The following GABRA4 variants were observed in gnomAD, a reference collection of about 807,000 sequenced individuals.
GABRA4 encodes gamma-aminobutyric acid receptor subunit alpha-4.
GABRA4 carries 12 observed loss-of-function variants against 49.7 expected under a neutral mutation model. The observed-to-expected ratio is 0.24, with a 90% confidence interval of 0.15 to 0.39. The LOEUF is 0.39. GABRA4 is among the 10% of genes least tolerant of loss of function. The pLI, the probability that GABRA4 is intolerant of heterozygous loss-of-function variation, is 1.00. For missense variants in GABRA4, 506 were observed against 686.0 expected, an observed-to-expected ratio of 0.74 and a Z score of 2.93; for synonymous variants, 288 against 240.2, an observed-to-expected ratio of 1.20 and a Z score of -1.84.
Position 46,930,524 on chromosome 4 carries a change from T to C in GABRA4, c.1135-1769A>G, listed in dbSNP as rs1406910955. Among the ~76,000 whole-genome samples, 79 of 151,748 alleles carry C rather than the reference T, an allele frequency of 5.2e-4. 2 individuals carry two copies. Among genetic ancestry groups the C allele is most frequent in the Admixed American group, 5.2e-3 (79 of 15,198 alleles). ...TACACACATGATACAATAAAAAATA[T>C]AATGAAAGGTAAAATATATTCAAGA... is the stretch of plus-strand genomic sequence containing the variant. On this transcript the variant is annotated intron_variant, in intron 8 of 8. Transcript: ENST00000264318.
chr4:46,934,138 G>A (rs1721530774), intron 8 of GABRA4, among the ~76,000 whole-genome samples: 1 of 152,058 alleles, frequency 6.6e-6, no homozygotes, highest in African/African-American at 2.4e-5. Flanking sequence ...TTAATAAAAT[G>A]TAACTTAATC....
At position 46,977,448 on chromosome 4, in the gene GABRA4, A is replaced by G; in HGVS notation, c.456T>C (p.Phe152=). 1.2e-6 allele frequency: 2 copies of G among 1,605,898 alleles called. No individual in the cohort carries two copies. Among genetic ancestry groups the G allele is most frequent in the Non-Finnish European group, 1.7e-6 (2 of 1,173,972 alleles). The change falls in exon 4 of 9, where the codon TTT becomes TTC. Residue 152 remains phenylalanine (F), a synonymous_variant. Transcript: ENST00000264318. ...SHNMTAPNKL[F]RIMRNGTILY... ...AAATAGTACCATTTCTCATAATTCT[A>G]AAAAGCTTATTTGGAGCTGTCATAT...
chr4:46,939,079 C>T (rs1721704926), intron 8 of GABRA4, among the ~76,000 whole-genome samples: 1 of 151,878 alleles, frequency 6.6e-6, no homozygotes, highest in Non-Finnish European at 1.5e-5. Flanking sequence ...CAAAAGAGCT[C>T]CTCATTCCCT....
rs985533591 is a variant in GABRA4 at position 46,922,767 on chromosome 4, C to G, written c.*5458G>C. Reference sequence around the variant, plus strand: ...AAAATAGAATAATCACAACTGAAAACTCACTAGGGTTATGGTTGACAAAAG... The same window carrying G: ...AAAATAGAATAATCACAACTGAAAAGTCACTAGGGTTATGGTTGACAAAAG... On this transcript the variant is annotated 3_prime_UTR_variant, in exon 9 of 9. Coordinates refer to ENST00000264318, the MANE Select transcript of GABRA4 (RefSeq NM_000809.4). 33 of 152,028 alleles carry G rather than the reference C, an allele frequency of 2.2e-4. No homozygotes were observed. The highest frequency in any genetic ancestry group is 8.0e-4 in the African/African-American group (33 of 41,388). 9.4% of individuals were successfully genotyped at this position (152,028 alleles called of 1,614,324 possible).
At chr4:46,991,137 G>A (rs1723729248) in intron 2 of GABRA4, among the ~76,000 whole-genome samples, 1 of 152,040 alleles carries the variant, frequency 6.6e-6, no homozygotes, top group South Asian at 2.1e-4. Flanking sequence ...AGTGAGCCGA[G>A]ATCACGCCAT....
chr4:46,965,016 G>A lies in GABRA4; in HGVS notation c.1088C>T (p.Pro363Leu). ...CTTCTCTCTCTGCACTGGAGCAGCG[G>A]GAACTTCCTGAGGGGGCTTTGATGT... is the stretch of plus-strand genomic sequence containing the variant. ...RKTSKPPQEV[P>L]AAPVQREKHP... The change falls in exon 8 of 9, where the codon CCC (proline) becomes CTC (leucine). Residue 363 changes from proline to leucine, a missense_variant. This residue lies in a region of GABRA4 where 243 missense variants were observed against 210.8 expected (regional missense o/e 1.15). Coordinates refer to ENST00000264318, the MANE Select transcript of GABRA4 (RefSeq NM_000809.4). The A allele has an allele frequency of 6.2e-7, 1 of 1,611,764 alleles. No individual in the cohort carries two copies. Among genetic ancestry groups the A allele is most frequent in the Non-Finnish European group, 8.5e-7 (1 of 1,178,670 alleles).
At chr4:46,963,092 G>A (rs966381627) in intron 8 of GABRA4, among the ~76,000 whole-genome samples, 2 of 151,758 alleles carry the variant, frequency 1.3e-5, no homozygotes, top group African/African-American at 4.8e-5. Flanking sequence ...ACAATGGACA[G>A]AAGGGATCAC....
At chr4:46,993,060 A>C in intron 1 of GABRA4, 114 bp from the exon 2 acceptor site, 1 of 834,966 alleles carries the variant, frequency 1.2e-6, no homozygotes, top group South Asian at 1.6e-5. Context: ...CCCAAGCTAA[A>C]GGAGAGGAGG....
intron 8 of GABRA4, among the ~76,000 whole-genome samples, chr4:46,939,201 G>C (rs1172562692): frequency 6.6e-6 from 1 of 151,990 alleles, no homozygotes; most frequent in Non-Finnish European, 1.5e-5. Flanking sequence ...ACAGAAATTT[G>C]AGGTTTCTTG....
At chr4:46,935,533 A>T (rs936810867) in intron 8 of GABRA4, among the ~76,000 whole-genome samples, 5 of 152,188 alleles carry the variant, frequency 3.3e-5, no homozygotes, top group Non-Finnish European at 7.3e-5. Context: ...TTATACGTCT[A>T]TGAAAATATG....
rs188377493 is a variant in GABRA4, at chr4:46,969,710, A to G, written c.874+1373T>C. ...AAATCCTCACTAGTCTATGAGGGTG[A>G]GATGTATTATCATAATTTTATGAAT... On this transcript the variant is annotated intron_variant, in intron 7 of 8. Coordinates refer to ENST00000264318, the MANE Select transcript of GABRA4 (RefSeq NM_000809.4). Among the ~76,000 whole-genome samples the G allele has an allele frequency of 2.0e-5, 3 of 151,652 alleles. No individual in the cohort carries two copies. The East Asian group carries it at 5.9e-4, about 30-fold the overall frequency.
rs1275058658 is a variant in GABRA4 at position 46,922,559 on chromosome 4, A to AG, written c.*5665dup. On this transcript the variant is annotated 3_prime_UTR_variant, in exon 9 of 9. Coordinates refer to ENST00000264318, the MANE Select transcript of GABRA4 (RefSeq NM_000809.4). ...AGAGTTTATATAAATAGGTCTCTGT[A>AG]GTCTCAAAAAATATTATAGACATGA... 2.6e-5 allele frequency: 4 copies of AG among 152,204 alleles called. No individual in the cohort carries two copies. The highest frequency in any genetic ancestry group is 5.9e-5 in the Non-Finnish European group (4 of 68,040). 9.4% of individuals were successfully genotyped at this position (152,204 alleles called of 1,614,324 possible).
chr4:46,944,921 A>G (rs879422003), intron 8 of GABRA4, among the ~76,000 whole-genome samples: 2 of 152,134 alleles, frequency 1.3e-5, no homozygotes, highest in African/African-American at 2.4e-5. Context: ...CAACTAGCAC[A>G]GTACCAAACA....
At position 46,926,288 on chromosome 4, in the gene GABRA4, G is replaced by A. The variant is rs1164035535; in HGVS notation, c.*1937C>T. On this transcript the variant is annotated 3_prime_UTR_variant, in exon 9 of 9. Transcript: ENST00000264318. ...ATTTATGATAAGCTTTTTTGTACAA[G>A]TACTCTTTATTAAATATATACATAT... 1 of 151,776 alleles carries A rather than the reference G, an allele frequency of 6.6e-6. No individual in the cohort carries two copies. The highest frequency in any genetic ancestry group is 1.9e-4 in the East Asian group (1 of 5,178). The allele number at this position is 151,776 out of a possible 1,614,324, so 9.4% of individuals were successfully genotyped here.
intron 2 of GABRA4, among the ~76,000 whole-genome samples, chr4:46,985,948 G>GAAAT (rs140354635): frequency 1.6e-3 from 239 of 151,600 alleles, no homozygotes; most frequent in African/African-American, 5.4e-3. Context: ...AAGAAAGAAA[G>GAAAT]AAAAACATGT....
At position 46,990,063 on chromosome 4, in the gene GABRA4, C is replaced by T. The variant is rs1364030007; in HGVS notation, c.205+2765G>A. On this transcript the variant is annotated intron_variant, in intron 2 of 8. Coordinates refer to ENST00000264318, the MANE Select transcript of GABRA4 (RefSeq NM_000809.4). ...AATACTACACATTTACAGAGAATGA[C>T]CCACTTCTAAAAAGTGAATCACATT... Among the ~76,000 whole-genome samples, 10 of 152,268 alleles carry T rather than the reference C, an allele frequency of 6.6e-5. No homozygotes were observed. In the South Asian group the frequency reaches 1.9e-3, roughly 28 times the overall value.
chr4:46,953,564 G>T (rs955643746), intron 8 of GABRA4, among the ~76,000 whole-genome samples: 1 of 152,122 alleles, frequency 6.6e-6, no homozygotes, highest in African/African-American at 2.4e-5. Context: ...TGGGAAAACT[G>T]TGGATTAGTT....
At chr4:46,984,643 C>A (rs1045333827) in intron 2 of GABRA4, among the ~76,000 whole-genome samples, 4 of 151,806 alleles carry the variant, frequency 2.6e-5, no homozygotes, top group Non-Finnish European at 2.9e-5. Flanking sequence ...ACAAGTAATT[C>A]ACGGAAAGAA....
intron 5 of GABRA4, among the ~76,000 whole-genome samples, chr4:46,976,354 C>A (rs1174948897): frequency 1.1e-3 from 59 of 51,742 alleles, no homozygotes; most frequent in South Asian, 2.7e-3. Flanking sequence ...CACCCATTCT[C>A]AAAAAAAAAA....
Sources: gnomAD v4.1 joint callset for allele counts (sites outside exome capture counted in the v4.1 genomes callset) on GRCh38, gnomAD v4.1.1 for gene constraint, gnomAD v4.1.1 regional missense constraint, MANE v1.5 for transcripts, NCBI Gene and HGNC (gene_info 2026-07-23, HGNC 2026-07-21) for gene names.